The following SRD5A1 variants were observed in gnomAD, a reference collection of about 807,000 sequenced individuals.
SRD5A1 encodes steroid 5 alpha-reductase 1, also known as 3-oxo-5-alpha-steroid 4-dehydrogenase 1.
A neutral mutation model predicts 28.2 loss-of-function variants in SRD5A1; 22 were observed. The ratio of observed to expected loss-of-function variants is 0.78; its 90% CI spans 0.56 to 1.12. The LOEUF (loss-of-function observed/expected upper bound fraction) is 1.12. Among genes scored for constraint, SRD5A1 ranks in the 50% most tolerant of loss-of-function variants. The probability of loss-of-function intolerance (pLI) is 0.00; values close to 1 mark genes in which losing one functional copy is unlikely to be tolerated. For missense variants in SRD5A1, 300 were observed against 346.7 expected, an observed-to-expected ratio of 0.87 and a Z score of 1.07; for synonymous variants, 151 against 135.0, an observed-to-expected ratio of 1.12 and a Z score of -0.82.
In SRD5A1 at chr5:6,638,675, G is replaced by C. The variant is rs183381950; in HGVS notation, c.293+4806G>C. On this transcript the variant is annotated intron_variant, in intron 1 of 4. Transcript: ENST00000274192. ...CTGAATCCTTGGCCCTTGCCTCATA[G>C]ATTGGAATAATCTGAGAAAAGAAAA... Among the ~76,000 whole-genome samples the C allele has an allele frequency of 6.0e-4, 92 of 152,334 alleles. No homozygotes were observed. In the Middle Eastern group the frequency reaches 0.017, roughly 28 times the overall value.
At chr5:6,651,117 G>A (rs1457779829) in intron 1 of SRD5A1, among the ~76,000 whole-genome samples, 4 of 152,120 alleles carry the variant, frequency 2.6e-5, no homozygotes, top group African/African-American at 9.7e-5. Flanking sequence ...GGTGGGGCTA[G>A]CAGGTGAAAG....
chr5:6,659,188 A>G (rs1239119387), intron 3 of SRD5A1, among the ~76,000 whole-genome samples: 1 of 149,594 alleles, frequency 6.7e-6, no homozygotes, highest in African/African-American at 2.5e-5. Flanking sequence ...ATCTCGGCTC[A>G]CTGCAAGCTC....
At chr5:6,641,929 C>T (rs976420707) in intron 1 of SRD5A1, among the ~76,000 whole-genome samples, 6 of 152,230 alleles carry the variant, frequency 3.9e-5, no homozygotes, top group African/African-American at 1.4e-4. Flanking sequence ...ATATAACACA[C>T]TTGTGCTAAT....
At chr5:6,666,321 T>G (rs1271878672) in intron 4 of SRD5A1, among the ~76,000 whole-genome samples, 1 of 152,170 alleles carries the variant, frequency 6.6e-6, no homozygotes, top group Non-Finnish European at 1.5e-5. Flanking sequence ...CTAATTTTTT[T>G]GTATTTTTAG....
chr5:6,649,555 G>A (rs779426828), intron 1 of SRD5A1, among the ~76,000 whole-genome samples: 4 of 152,240 alleles, frequency 2.6e-5, no homozygotes, highest in Non-Finnish European at 4.4e-5. Context: ...CATCGGCATG[G>A]GACCCACTGA....
At chr5:6,653,571 A>T (rs1396755890) in intron 2 of SRD5A1, 1 of 152,248 alleles carries the variant, frequency 6.6e-6, no homozygotes, top group Non-Finnish European at 1.5e-5. Flanking sequence ...GGCCCAAGAC[A>T]TCTAGACGCA....
intron 4 of SRD5A1, among the ~76,000 whole-genome samples, chr5:6,666,206 G>C (rs1307711938): frequency 1.3e-5 from 2 of 151,784 alleles, no homozygotes; most frequent in Non-Finnish European, 2.9e-5. Context: ...GGAGTGCAGT[G>C]GCGCGATCTC....
At chr5:6,633,894 CT>C in intron 1 of SRD5A1, 25 bp downstream of exon 1, 1 of 1,593,642 alleles carries the variant, frequency 6.3e-7, no homozygotes, top group Non-Finnish European at 8.5e-7. Context: ...CCCCGGCCCC[CT>C]ACCCTACTCC....
chr5:6,662,765 C>T (rs752662576), intron 3 of SRD5A1, 51 bp from the exon 4 acceptor site: 20 of 1,581,824 alleles, frequency 1.3e-5, no homozygotes, highest in South Asian at 2.2e-5. Context: ...CTCTGAAGTC[C>T]GTATTTCATT....
At chr5:6,644,430 C>G (rs1738448191) in intron 1 of SRD5A1, among the ~76,000 whole-genome samples, 1 of 152,166 alleles carries the variant, frequency 6.6e-6, no homozygotes, top group South Asian at 2.1e-4. Context: ...TCACCTCTAT[C>G]CTGCAGTTTG....
At chr5:6,661,825 G>T (rs969106937) in intron 3 of SRD5A1, among the ~76,000 whole-genome samples, 1 of 152,008 alleles carries the variant, frequency 6.6e-6, no homozygotes, top group Admixed American at 6.6e-5. Flanking sequence ...GAGCCACTGC[G>T]CCCAGCCTAA....
intron 1 of SRD5A1, among the ~76,000 whole-genome samples, chr5:6,643,186 C>CCA (rs1204535762): frequency 6.6e-6 from 1 of 152,182 alleles, no homozygotes; most frequent in African/African-American, 2.4e-5. Context: ...AGAGCCTAAC[C>CCA]CTTCATTCAC....
rs1228187745 is a variant in SRD5A1, at chr5:6,651,999, T to A, written c.451T>A (p.Phe151Ile). 1 of 1,613,042 alleles carries A rather than the reference T, an allele frequency of 6.2e-7. No individual in the cohort carries two copies. The highest frequency in any genetic ancestry group is 8.5e-7 in the Non-Finnish European group (1 of 1,179,212). ...YADDWVTDPR[F>I]LIGFGLWLTG... The stretch of plus-strand genomic sequence containing the variant: ...TGATGACTGGGTAACAGATCCCCGT[T>A]TTCTAATAGGTGAGTGTCCACAGCA... Residue 151 changes from phenylalanine to isoleucine, a missense_variant, in exon 2 of 5, where the codon TTT becomes ATT. Physicochemically the swap from Phe to Ile is conservative, Grantham distance 21. This residue lies in a region of SRD5A1 where 126 missense variants were observed against 185.7 expected (regional missense o/e 0.68). Coordinates refer to ENST00000274192, the MANE Select transcript of SRD5A1 (RefSeq NM_001047.4).
chr5:6,633,813 C>G lies in SRD5A1; in HGVS notation c.237C>G (p.Leu79=). The change falls in exon 1 of 5, where the codon CTC becomes CTG. Residue 79 remains leucine, a synonymous_variant. Transcript: ENST00000274192. ...ACGCCAGCGAGTCCGCCCCGCGTCTCCGCAGCGCGCCCAACTGCATCCTCC... is the reference window on the plus strand; with the variant it reads ...ACGCCAGCGAGTCCGCCCCGCGTCTGCGCAGCGCGCCCAACTGCATCCTCC... ...YQYASESAPR[L]RSAPNCILLA... 1 of 1,597,944 alleles carries G rather than the reference C, an allele frequency of 6.3e-7. No individual in the cohort carries two copies.
intron 1 of SRD5A1, among the ~76,000 whole-genome samples, chr5:6,637,608 C>A (rs937791681): frequency 3.3e-5 from 5 of 152,240 alleles, no homozygotes; most frequent in Admixed American, 3.3e-4. Context: ...TCCCCACTAT[C>A]AGCAGTGAAT....
chr5:6,667,261 C>T lies in SRD5A1; in HGVS notation c.714-941C>T, dbSNP rs150601138. Among the ~76,000 whole-genome samples the T allele has an allele frequency of 8.3e-4, 126 of 152,302 alleles. 1 individual carries two copies. The highest frequency in any genetic ancestry group is 3.4e-3 in the Middle Eastern group (1 of 294). On this transcript the variant is annotated intron_variant, in intron 4 of 4. Coordinates refer to ENST00000274192, the MANE Select transcript of SRD5A1 (RefSeq NM_001047.4). ...TGACGCTTGATCCGGAAGTCCTGAC[C>T]GACTTCTTAGAATTGTTCTTATTAC...
chr5:6,636,527 G>A (rs540605603), intron 1 of SRD5A1, among the ~76,000 whole-genome samples: 1 of 152,284 alleles, frequency 6.6e-6, no homozygotes, highest in South Asian at 2.1e-4. Flanking sequence ...GCCCTGCCTT[G>A]GGGAACTAGA....
intron 1 of SRD5A1, among the ~76,000 whole-genome samples, chr5:6,637,438 A>C (rs896296965): frequency 6.6e-6 from 1 of 152,094 alleles, no homozygotes; most frequent in Non-Finnish European, 1.5e-5. Context: ...TTTGCTAGAC[A>C]CAGCAAAAGT....
intron 4 of SRD5A1, among the ~76,000 whole-genome samples, chr5:6,665,353 T>C (rs1203253989): frequency 3.3e-5 from 5 of 152,242 alleles, no homozygotes; most frequent in East Asian, 3.8e-4. Flanking sequence ...TGGTTAACTT[T>C]GTTCTAGCAG....
Sources: allele counts gnomAD v4.1 joint callset (sites outside exome capture counted in the v4.1 genomes callset), GRCh38; gene constraint gnomAD v4.1.1; regional missense constraint gnomAD v4.1.1; transcripts MANE v1.5; gene names NCBI Gene and HGNC (gene_info 2026-07-23, HGNC 2026-07-21).